Variants in BACH2 observed in about 807,000 individuals in gnomAD.
The protein encoded by BACH2 is BACH transcriptional regulator 2.
A neutral mutation model predicts 61.8 loss-of-function variants in BACH2; 5 were observed. The observed-to-expected ratio is 0.08, with a 90% CI of 0.04 to 0.17. BACH2 has a LOEUF of 0.17. BACH2 is among the 10% of genes least tolerant of loss of function. The probability of loss-of-function intolerance (pLI) is 1.00; values close to 1 mark genes in which losing one functional copy is unlikely to be tolerated. For synonymous variants in BACH2, 446 were observed against 440.1 expected (o/e 1.01, Z -0.17); for missense variants, 824 against 1,091.1 (o/e 0.76, Z 3.45).
chr6:90,032,040 G>A (rs1335839701), intron 5 of BACH2, among the ~76,000 whole-genome samples: 2 of 152,112 alleles, frequency 1.3e-5, no homozygotes, highest in Non-Finnish European at 2.9e-5. Context: ...AGAGTCCTCA[G>A]AAATAATGCC....
In BACH2 at chr6:90,008,932, G is replaced by A; in HGVS notation, c.-12-76C>T. On this transcript the variant is annotated intron_variant, in intron 5 of 8. Transcript: ENST00000257749. The surrounding 1 kb of genome is among the most constrained non-coding windows in gnomAD (Gnocchi z 4.1). Reference sequence around the variant, plus strand: ...ACAGCTGTAGGATCAGAGAGAGGAGGTGAGAAAGAACATCATGGTTCCTGT... The same window carrying A: ...ACAGCTGTAGGATCAGAGAGAGGAGATGAGAAAGAACATCATGGTTCCTGT... The A allele has an allele frequency of 1.3e-6, 2 of 1,523,166 alleles. No homozygotes were observed. The highest frequency in any genetic ancestry group is 1.8e-6 in the Non-Finnish European group (2 of 1,130,818). The allele number at this position is 1,523,166 out of a possible 1,614,324, so 94.4% of individuals were successfully genotyped here.
At chr6:90,133,547 A>AT (rs1159613547) in intron 4 of BACH2, among the ~76,000 whole-genome samples, 1 of 151,432 alleles carries the variant, frequency 6.6e-6, no homozygotes, top group East Asian at 1.9e-4. Flanking sequence ...TTATTTATTT[A>AT]TTTTTTATTG....
At chr6:90,040,702 G>C (rs561490169) in intron 5 of BACH2, among the ~76,000 whole-genome samples, 2 of 151,882 alleles carry the variant, frequency 1.3e-5, no homozygotes, top group Non-Finnish European at 2.9e-5. Flanking sequence ...TTTTAAAACA[G>C]TTTCATTTAT....
In BACH2 at chr6:90,017,636, T is replaced by C. The variant is rs919652113; in HGVS notation, c.-12-8780A>G. 3.3e-5 allele frequency among the ~76,000 whole-genome samples: 5 copies of C among 152,330 alleles called. No individual in the cohort carries two copies. The East Asian group carries it at 5.8e-4, about 18-fold the overall frequency. On this transcript the variant is annotated intron_variant, in intron 5 of 8. Coordinates refer to ENST00000257749, the MANE Select transcript of BACH2 (RefSeq NM_021813.4). ...TTTTCATCTCAGACACTGTGGTCCT[T>C]ATCTCTAAAAGTCCCCTTTGGTCTT...
rs1404324412 is a variant in BACH2, at chr6:89,930,067, AC to A, written c.*2340del. The A allele has an allele frequency of 6.6e-6, 1 of 151,312 alleles. No homozygotes were observed. Among genetic ancestry groups the A allele is most frequent in the Non-Finnish European group, 1.5e-5 (1 of 68,044 alleles). 9.4% of individuals were successfully genotyped at this position (151,312 alleles called of 1,614,324 possible). On this transcript the variant is annotated 3_prime_UTR_variant, in exon 9 of 9. Coordinates refer to ENST00000257749, the MANE Select transcript of BACH2 (RefSeq NM_021813.4). ...AGGCCAAGAAATTCCAACAACCATA[AC>A]AAAAACCAGCAGCTCCAACACAGAG...
intron 4 of BACH2, among the ~76,000 whole-genome samples, chr6:90,106,731 C>A (rs575898069): frequency 4.6e-5 from 7 of 152,280 alleles, no homozygotes; most frequent in African/African-American, 1.7e-4. Flanking sequence ...TGATTAAATA[C>A]CTCTAATGAG....
chr6:90,088,591 A>T (rs923366359), intron 5 of BACH2, among the ~76,000 whole-genome samples: 2 of 152,230 alleles, frequency 1.3e-5, no homozygotes, highest in Non-Finnish European at 2.9e-5. Context: ...TATTTCAAGC[A>T]CATGAGTTAA....
At chr6:90,223,010 A>G (rs1769787192) in intron 3 of BACH2, among the ~76,000 whole-genome samples, 1 of 152,240 alleles carries the variant, frequency 6.6e-6, no homozygotes, top group Non-Finnish European at 1.5e-5. Context: ...AACCCTAGCC[A>G]ATAGGGGAAA....
In BACH2 at chr6:90,166,391, A is replaced by G. The variant is rs1767619240; in HGVS notation, c.-162+40178T>C. Among the ~76,000 whole-genome samples the G allele has an allele frequency of 2.6e-5, 4 of 152,208 alleles. 1 individual carries two copies. The South Asian group carries it at 6.2e-4, about 24-fold the overall frequency. ...CACCAGTTAGAATGGCAATCATTAAAAAGTCAGGAAACAACAGGTGCTAGA... is the reference window on the plus strand; with the variant it reads ...CACCAGTTAGAATGGCAATCATTAAGAAGTCAGGAAACAACAGGTGCTAGA... On this transcript the variant is annotated intron_variant, in intron 4 of 8. Coordinates refer to ENST00000257749, the MANE Select transcript of BACH2 (RefSeq NM_021813.4).
At chr6:90,175,087 G>C (rs181593766) in intron 4 of BACH2, among the ~76,000 whole-genome samples, 33 of 152,074 alleles carry the variant, frequency 2.2e-4, no homozygotes, top group African/African-American at 7.7e-4. Context: ...CCTTTAAAGT[G>C]TATCTACATG....
At chr6:90,115,751 C>G (rs183589480) in intron 4 of BACH2, among the ~76,000 whole-genome samples, 4 of 151,856 alleles carry the variant, frequency 2.6e-5, no homozygotes, top group Non-Finnish European at 5.9e-5. Flanking sequence ...GAATGGAAGA[C>G]AATATTTGCA....
rs553177860 is a variant in BACH2 at position 90,261,670 on chromosome 6, T to C, written c.-352-9080A>G. On this transcript the variant is annotated intron_variant, in intron 2 of 8. Coordinates refer to ENST00000257749, the MANE Select transcript of BACH2 (RefSeq NM_021813.4). ...TCAGATCATTCCTTCTAAAGCTTCT[T>C]TTTATTTGCTTCCTCCTTAAAAGTC... Among the ~76,000 whole-genome samples the C allele has an allele frequency of 1.5e-4, 23 of 152,262 alleles. No individual in the cohort carries two copies. The East Asian group carries it at 4.4e-3, about 29-fold the overall frequency.
At chr6:90,171,240 G>A (rs956510894) in intron 4 of BACH2, among the ~76,000 whole-genome samples, 4 of 151,814 alleles carry the variant, frequency 2.6e-5, no homozygotes, top group Non-Finnish European at 5.9e-5. Context: ...ATGAAACCCC[G>A]TCTCTACTAA....
chr6:90,111,263 A>G (rs1783158363), intron 4 of BACH2, among the ~76,000 whole-genome samples: 1 of 152,056 alleles, frequency 6.6e-6, no homozygotes. Flanking sequence ...GGCCACCACC[A>G]TCTCTCTCCC....
rs140933929 is a variant in BACH2, at chr6:90,150,828, CCA to C, written c.-162+55739_-162+55740del. Among the ~76,000 whole-genome samples, 784 of 152,176 alleles carry C rather than the reference CCA, an allele frequency of 5.2e-3. 5 individuals are homozygous for C. The highest frequency in any genetic ancestry group is 0.018 in the African/African-American group (740 of 41,508). On this transcript the variant is annotated intron_variant, in intron 4 of 8. Coordinates refer to ENST00000257749, the MANE Select transcript of BACH2 (RefSeq NM_021813.4). ...GCCCTTGGGAAGCATAGCCTTGGTG[CCA>C]AAACAGTGGTGGGTTCAGAGGGGCA...
intron 4 of BACH2, among the ~76,000 whole-genome samples, chr6:90,141,489 GTTTT>G (rs113693692): frequency 7.6e-6 from 1 of 132,226 alleles, no homozygotes; most frequent in Non-Finnish European, 1.6e-5. Context: ...CCCCGATCCC[GTTTT>G]TTTTTTTTTT....
intron 5 of BACH2, among the ~76,000 whole-genome samples, chr6:90,065,843 A>C (rs1044312763): frequency 5.9e-5 from 9 of 152,360 alleles, no homozygotes; most frequent in African/African-American, 1.9e-4. Context: ...CACGTGTGGG[A>C]AACATTTAAA....
At chr6:90,236,787 C>T (rs1770272314) in intron 3 of BACH2, among the ~76,000 whole-genome samples, 1 of 152,200 alleles carries the variant, frequency 6.6e-6, no homozygotes, top group African/African-American at 2.4e-5. Flanking sequence ...GTATAGAAAA[C>T]TGTGCCTGTC....
intron 5 of BACH2, among the ~76,000 whole-genome samples, chr6:90,042,614 C>T (rs1391798842): frequency 6.6e-6 from 1 of 152,060 alleles, no homozygotes; most frequent in Non-Finnish European, 1.5e-5. Flanking sequence ...GTAAGGAAAC[C>T]ACACATGAGC....
Sources: allele counts gnomAD v4.1 joint callset (sites outside exome capture counted in the v4.1 genomes callset), GRCh38; gene constraint gnomAD v4.1.1; non-coding constraint Gnocchi (gnomAD v3.1); transcripts MANE v1.5; gene names NCBI Gene and HGNC (gene_info 2026-07-23, HGNC 2026-07-21).